The following VPS13B variants were observed in gnomAD, a reference collection of about 807,000 sequenced individuals.
VPS13B encodes the protein intermembrane lipid transfer protein VPS13B.
Under a neutral mutation model 426.4 loss-of-function variants are expected in VPS13B, and 285 were observed. The ratio of observed to expected loss-of-function variants is 0.67; its 90% CI spans 0.61 to 0.74. The LOEUF is 0.74. VPS13B is among the 30% of genes least tolerant of loss of function. VPS13B has a pLI of 0.00. For missense variants in VPS13B, 4,537 were observed against 4,782.6 expected (o/e 0.95, Z 1.51); for synonymous variants, 1,676 against 1,676.4 (o/e 1.00, Z 0.01).
chr8:99,492,337 A>G (rs1422539416), intron 25 of VPS13B, among the ~76,000 whole-genome samples: 2 of 152,168 alleles, frequency 1.3e-5, no homozygotes, highest in Non-Finnish European at 2.9e-5. Flanking sequence ...ACCCACTTGA[A>G]GAGGCAGTCT....
At chr8:99,568,022 C>T (rs576008912) in intron 31 of VPS13B, among the ~76,000 whole-genome samples, 1 of 152,192 alleles carries the variant, frequency 6.6e-6, no homozygotes, top group South Asian at 2.1e-4. Context: ...TTCAAATACA[C>T]CTGGAGTGTT....
chr8:99,196,620 G>A (rs1813949568), intron 17 of VPS13B, among the ~76,000 whole-genome samples: 1 of 151,934 alleles, frequency 6.6e-6, no homozygotes, highest in South Asian at 2.1e-4. Context: ...TTGTATTTTA[G>A]TAGAGACGGG....
At chr8:99,388,125 GA>G (rs1204779981) in intron 20 of VPS13B, among the ~76,000 whole-genome samples, 2 of 152,110 alleles carry the variant, frequency 1.3e-5, no homozygotes, top group Non-Finnish European at 2.9e-5. Flanking sequence ...ATTTCCCAAT[GA>G]TGTATGCAAT....
At position 99,699,064 on chromosome 8, in the gene VPS13B, C is replaced by T. The variant is rs1832155139; in HGVS notation, c.6047-461C>T. Among the ~76,000 whole-genome samples, 3 of 148,552 alleles carry T rather than the reference C, an allele frequency of 2.0e-5. No homozygotes were observed. The South Asian group carries it at 6.4e-4, about 32-fold the overall frequency. On this transcript the variant is annotated intron_variant, in intron 35 of 61. Transcript: ENST00000357162. ...GAACAATTAGAGAATTGTAGGGATA[C>T]TTGGATAAATATTTATTAGTAATAC...
intron 17 of VPS13B, among the ~76,000 whole-genome samples, chr8:99,272,205 T>G (rs1195342717): frequency 2.6e-5 from 4 of 152,170 alleles, no homozygotes; most frequent in Non-Finnish European, 2.9e-5. Flanking sequence ...ATGGAATTAT[T>G]TAACCAAAGT....
At chr8:99,311,121 G>T (rs1251048696) in intron 19 of VPS13B, among the ~76,000 whole-genome samples, 1 of 152,012 alleles carries the variant, frequency 6.6e-6, no homozygotes, top group Admixed American at 6.6e-5. Context: ...AAAAAACCAG[G>T]TCCTGGATTC....
intron 32 of VPS13B, among the ~76,000 whole-genome samples, chr8:99,576,500 C>CA (rs555633296): frequency 1.9e-4 from 27 of 142,982 alleles, no homozygotes; most frequent in East Asian, 4.0e-4. Flanking sequence ...ATTGTTTAAC[C>CA]AAAAAAAAAA....
chr8:99,280,658 C>T (rs1440083983), intron 19 of VPS13B, among the ~76,000 whole-genome samples: 3 of 152,108 alleles, frequency 2.0e-5, no homozygotes, highest in Non-Finnish European at 4.4e-5. Context: ...TCTTCCTTTT[C>T]CTTCTGCATA....
chr8:99,713,950 G>T (rs1213503533), intron 36 of VPS13B, among the ~76,000 whole-genome samples: 9 of 152,074 alleles, frequency 5.9e-5, no homozygotes, highest in Non-Finnish European at 1.3e-4. Context: ...GACCAGCCTG[G>T]CCAACATGGT....
At chr8:99,148,275 G>A (rs1188946019) in intron 14 of VPS13B, among the ~76,000 whole-genome samples, 1 of 150,904 alleles carries the variant, frequency 6.6e-6, no homozygotes, top group East Asian at 1.9e-4. Context: ...GAGGTGGGAG[G>A]ATTGCTTGAG....
intron 3 of VPS13B, among the ~76,000 whole-genome samples, chr8:99,075,850 A>G (rs544227011): frequency 6.6e-6 from 1 of 152,184 alleles, no homozygotes; most frequent in South Asian, 2.1e-4. Context: ...TTGATCATGT[A>G]TATTGTTTAG....
chr8:99,564,051 A>G (rs1433501912), intron 31 of VPS13B, among the ~76,000 whole-genome samples: 1 of 152,210 alleles, frequency 6.6e-6, no homozygotes, highest in Non-Finnish European at 1.5e-5. Context: ...CTCTGGGTAC[A>G]TTACTCAAAT....
At chr8:99,630,130 A>T (rs1042976006) in intron 33 of VPS13B, among the ~76,000 whole-genome samples, 1 of 152,210 alleles carries the variant, frequency 6.6e-6, no homozygotes, top group Non-Finnish European at 1.5e-5. Context: ...GCCCTAAATG[A>T]TTCTGATTCA....
At chr8:99,701,598 C>T (rs1278499821) in intron 36 of VPS13B, among the ~76,000 whole-genome samples, 1 of 152,126 alleles carries the variant, frequency 6.6e-6, no homozygotes, top group Non-Finnish European at 1.5e-5. Flanking sequence ...TACCCCTAAT[C>T]CTTTTACAAT....
In VPS13B at chr8:99,209,648, C is replaced by G. The variant is rs369218128; in HGVS notation, c.2515+16591C>G. 1.0e-4 allele frequency: 66 copies of G among 631,294 alleles called. 1 individual carries two copies. The East Asian group carries it at 5.7e-3, about 54-fold the overall frequency. The allele number at this position is 631,294 out of a possible 1,614,324, so 39.1% of individuals were successfully genotyped here. A position where few individuals can be genotyped will look rare whatever the true frequency, so the allele number is the denominator to read the frequency against. ...TCTTGAACTCCTGGCCTCAAATGAT[C>G]CTCCCACCTCAACCTCCTGAAGTGC... On this transcript the variant is annotated intron_variant, in intron 17 of 61. Coordinates refer to ENST00000357162, the MANE Select transcript of VPS13B (RefSeq NM_152564.5).
intron 57 of VPS13B, 92 bp from the exon 58 acceptor site, chr8:99,861,684 G>A: frequency 4.0e-6 from 6 of 1,506,272 alleles, no homozygotes; most frequent in Non-Finnish European, 5.4e-6. Flanking sequence ...TCCAGGAGGG[G>A]CCACAGGTGC....
chr8:99,302,020 T>G (rs946215485), intron 19 of VPS13B, among the ~76,000 whole-genome samples: 5 of 152,202 alleles, frequency 3.3e-5, no homozygotes, highest in Admixed American at 1.3e-4. Context: ...GTACTCATAG[T>G]GTCAAATAAG....
chr8:99,238,325 G>C (rs1484272890), intron 17 of VPS13B, among the ~76,000 whole-genome samples: 2 of 151,930 alleles, frequency 1.3e-5, no homozygotes, highest in Non-Finnish European at 2.9e-5. Flanking sequence ...TGAATGAGTA[G>C]ATTCTGGTTC....
intron 15 of VPS13B, among the ~76,000 whole-genome samples, chr8:99,166,431 G>A (rs533204731): frequency 3.9e-5 from 6 of 152,252 alleles, no homozygotes; most frequent in Non-Finnish European, 5.9e-5. Context: ...AGGCTATCCC[G>A]GAACAAGCAG....
Sources: gnomAD v4.1 joint callset for allele counts (sites outside exome capture counted in the v4.1 genomes callset) on GRCh38, gnomAD v4.1.1 for gene constraint, MANE v1.5 for transcripts, NCBI Gene and HGNC (gene_info 2026-07-23, HGNC 2026-07-21) for gene names.